The following MCOLN3 variants were observed in gnomAD, a reference collection of about 807,000 sequenced individuals.
MCOLN3 encodes mucolipin-3.
MCOLN3 carries 62 observed loss-of-function variants against 69.4 expected under a neutral mutation model. That is an observed-to-expected ratio of 0.89 (90% CI 0.73 to 1.10). The LOEUF is 1.10. MCOLN3 is among the 50% of genes least tolerant of loss of function. The pLI, the probability that MCOLN3 is intolerant of heterozygous loss-of-function variation, is 0.00. For missense variants in MCOLN3, 564 were observed against 656.4 expected, an observed-to-expected ratio of 0.86 and a Z score of 1.54; for synonymous variants, 183 against 217.0, an observed-to-expected ratio of 0.84 and a Z score of 1.38.
chr1:85,026,934 T>G (rs1652254616), intron 7 of MCOLN3, among the ~76,000 whole-genome samples: 1 of 151,948 alleles, frequency 6.6e-6, no homozygotes, highest in Non-Finnish European at 1.5e-5. Context: ...TTAATTTTTT[T>G]GTAGAGACAG....
At chr1:85,031,356 T>C (rs1652513091) in intron 6 of MCOLN3, among the ~76,000 whole-genome samples, 1 of 152,072 alleles carries the variant, frequency 6.6e-6, no homozygotes, top group Non-Finnish European at 1.5e-5. Flanking sequence ...TAATAATTTA[T>C]TTTATATTTC....
At position 85,029,181 on chromosome 1, in the gene MCOLN3, T is replaced by C; in HGVS notation, c.757A>G (p.Ser253Gly). The change falls in exon 7 of 13, where the codon AGT (serine) becomes GGT (glycine). Residue 253 changes from serine to glycine, a missense_variant. Ser to Gly is a moderately conservative substitution (Grantham distance 56). Transcript: ENST00000370589. ...TCTAAACTTATTTTAATTCTTCCAC[T>C]ATGGGCCTTGTTGTCAAATGTTATC... Reference protein sequence around the residue: ...LTITFDNKAHSGRIKISLDND... With the variant: ...LTITFDNKAHGGRIKISLDND... The C allele has an allele frequency of 6.2e-7, 1 of 1,603,810 alleles. No individual in the cohort carries two copies. The highest frequency in any genetic ancestry group is 8.5e-7 in the Non-Finnish European group (1 of 1,170,770).
At chr1:85,042,033 T>C (rs753411908) in intron 2 of MCOLN3, among the ~76,000 whole-genome samples, 20 of 151,712 alleles carry the variant, frequency 1.3e-4, no homozygotes, top group Non-Finnish European at 2.6e-4. Context: ...ATGCTGTAAA[T>C]TGAGAAACTA....
intron 9 of MCOLN3, chr1:85,023,358 T>G (rs964143695): frequency 1.3e-5 from 2 of 152,258 alleles, no homozygotes; most frequent in African/African-American, 4.8e-5. Flanking sequence ...TGGGATTATA[T>G]GAGTCACAGT....
chr1:85,021,148 G>A lies in MCOLN3; in HGVS notation c.1449C>T (p.Tyr483=), dbSNP rs374235675. The A allele has an allele frequency of 6.2e-6, 10 of 1,613,060 alleles. No individual in the cohort carries two copies. Among genetic ancestry groups the A allele is most frequent in the Non-Finnish European group, 7.6e-6 (9 of 1,179,340 alleles). ...LVWLFSRIYL[Y]SFISLFIYMI... Reference sequence around the variant, plus strand: ...TATATATAAAGAGGCTGATGAATGAGTAGAGGTAAATTCTACTAAACAGCC... The same window carrying A: ...TATATATAAAGAGGCTGATGAATGAATAGAGGTAAATTCTACTAAACAGCC... Residue 483 remains tyrosine (Y), a synonymous_variant, in exon 12 of 13, where the codon TAC becomes TAT. Coordinates refer to ENST00000370589, the MANE Select transcript of MCOLN3 (RefSeq NM_018298.11).
At chr1:85,039,592 A>C (rs1652961270) in intron 3 of MCOLN3, among the ~76,000 whole-genome samples, 1 of 152,202 alleles carries the variant, frequency 6.6e-6, no homozygotes, top group African/African-American at 2.4e-5. Flanking sequence ...TCCAGAAGGA[A>C]TGTGGAAATC....
intron 1 of MCOLN3, chr1:85,047,678 T>C (rs1257189365): frequency 6.6e-6 from 1 of 152,320 alleles, no homozygotes; most frequent in Non-Finnish European, 1.5e-5. Context: ...GACAAAGTTA[T>C]GCAACCTCGT....
At chr1:85,036,644 C>T (rs369930525) in intron 3 of MCOLN3, 206 of 152,214 alleles carry the variant, frequency 1.4e-3, no homozygotes, top group African/African-American at 4.5e-3. Flanking sequence ...GAGACCTGGC[C>T]CCCAGCTCCC....
chr1:85,026,285 C>G lies in MCOLN3; in HGVS notation c.833-1G>C. ...ATCATGTAATGAGTGTTCTTCTGAA[C>G]TGAAAGCAAAGAGGATTACATAGTG... is the stretch of plus-strand genomic sequence containing the variant. On this transcript the variant is annotated splice_acceptor_variant, in intron 7 of 12. Transcript: ENST00000370589. LOFTEE classifies it high-confidence loss of function. 6.2e-7 allele frequency: 1 copy of G among 1,605,600 alleles called. No homozygotes were observed. The highest frequency in any genetic ancestry group is 8.5e-7 in the Non-Finnish European group (1 of 1,172,306).
chr1:85,020,624 G>T (rs915105397), intron 12 of MCOLN3, among the ~76,000 whole-genome samples: 2 of 152,154 alleles, frequency 1.3e-5, no homozygotes, highest in Non-Finnish European at 2.9e-5. Context: ...TGCCCTGCAG[G>T]GCCTTGCAAA....
intron 3 of MCOLN3, among the ~76,000 whole-genome samples, chr1:85,039,471 C>T (rs754980006): frequency 1.2e-4 from 18 of 152,258 alleles, no homozygotes; most frequent in East Asian, 1.2e-3. Context: ...TCCCCGGCTC[C>T]GGAATTATTA....
At chr1:85,033,770 C>T (rs1387767268) in intron 4 of MCOLN3, among the ~76,000 whole-genome samples, 2 of 152,144 alleles carry the variant, frequency 1.3e-5, no homozygotes, top group Admixed American at 6.5e-5. Flanking sequence ...TGGTGGAATA[C>T]GATAGCTAAG....
chr1:85,033,335 A>G (rs1234833499), intron 4 of MCOLN3, among the ~76,000 whole-genome samples: 1 of 152,154 alleles, frequency 6.6e-6, no homozygotes, highest in Non-Finnish European at 1.5e-5. Flanking sequence ...AAGCAGTTTG[A>G]GGGATCTATT....
At chr1:85,030,157 G>A (rs1048201175) in intron 6 of MCOLN3, among the ~76,000 whole-genome samples, 12 of 152,332 alleles carry the variant, frequency 7.9e-5, no homozygotes, top group African/African-American at 2.6e-4. Flanking sequence ...ATGGCCTCGT[G>A]CAAGGAGGAC....
chr1:85,024,286 T>A (rs970404447), intron 9 of MCOLN3, among the ~76,000 whole-genome samples: 3 of 152,106 alleles, frequency 2.0e-5, no homozygotes, highest in Non-Finnish European at 4.4e-5. Flanking sequence ...TGAGATATTA[T>A]CTCTTAAGAA....
chr1:85,047,907 C>T (rs1268102268), intron 1 of MCOLN3, among the ~76,000 whole-genome samples: 1 of 152,200 alleles, frequency 6.6e-6, no homozygotes, highest in African/African-American at 2.4e-5. Context: ...CGGCTGCTTT[C>T]AGCCAGCGCA....
intron 4 of MCOLN3, 42 bp from the exon 5 acceptor site, chr1:85,032,998 A>G: frequency 6.6e-7 from 1 of 1,525,758 alleles, no homozygotes; most frequent in Non-Finnish European, 9.1e-7. Flanking sequence ...GTACTTAAAT[A>G]AGACTGCATT....
At chr1:85,024,078 G>T (rs1198789037) in intron 9 of MCOLN3, among the ~76,000 whole-genome samples, 4 of 151,870 alleles carry the variant, frequency 2.6e-5, no homozygotes, top group Non-Finnish European at 5.9e-5. Flanking sequence ...AGGATTGCTT[G>T]AGCCCGGGAG....
At chr1:85,023,965 C>A (rs961038766) in intron 9 of MCOLN3, among the ~76,000 whole-genome samples, 1 of 152,100 alleles carries the variant, frequency 6.6e-6, no homozygotes, top group Admixed American at 6.6e-5. Context: ...TTGGACTTAT[C>A]AGCATGAGAG....
Sources: allele counts gnomAD v4.1 joint callset (sites outside exome capture counted in the v4.1 genomes callset), GRCh38; gene constraint gnomAD v4.1.1; transcripts MANE v1.5; gene names NCBI Gene and HGNC (gene_info 2026-07-23, HGNC 2026-07-21).